FBXW12: variants seen among roughly 807,000 people sequenced by gnomAD.
FBXW12 encodes F-box/WD repeat-containing protein 12.
Under a neutral mutation model 55.3 loss-of-function variants are expected in FBXW12, and 43 were observed. The ratio of observed to expected loss-of-function variants is 0.78; its 90% CI spans 0.61 to 1.00. The LOEUF (loss-of-function observed/expected upper bound fraction) is 1.00, where lower values mean the gene tolerates loss of function less well. Among genes scored for constraint, FBXW12 ranks in the 50% least tolerant of loss-of-function variants. The pLI is 0.00. For synonymous variants in FBXW12, 184 were observed against 203.8 expected, an observed-to-expected ratio of 0.90 and a Z score of 0.83; for missense variants, 524 against 560.5, an observed-to-expected ratio of 0.93 and a Z score of 0.66.
intron 10 of FBXW12, among the ~76,000 whole-genome samples, chr3:48,390,523 C>T (rs2036909183): frequency 6.6e-6 from 1 of 150,972 alleles, no homozygotes; most frequent in African/African-American, 2.4e-5. Flanking sequence ...CAAAAGATCC[C>T]CCTGCGTCAG....
chr3:48,372,732 A>AT lies in FBXW12; in HGVS notation c.-36_-35insT. ...ATAAATTCAGAGCAGCCCGGAGAGGAGAAAGGAAAGTGGATGTGGGTTCAG... is the reference window on the plus strand; with the variant it reads ...ATAAATTCAGAGCAGCCCGGAGAGGATGAAAGGAAAGTGGATGTGGGTTCAG... On this transcript the variant is annotated 5_prime_UTR_variant, in exon 2 of 11. In the 5' UTR this introduces an upstream ATG that the reference lacks. Transcript: ENST00000296438. 1 of 1,614,158 alleles carries AT rather than the reference A, an allele frequency of 6.2e-7. No individual in the cohort carries two copies. The highest frequency in any genetic ancestry group is 8.5e-7 in the Non-Finnish European group (1 of 1,180,008).
chr3:48,383,354 G>A (rs192823605), intron 10 of FBXW12, among the ~76,000 whole-genome samples: 3 of 152,100 alleles, frequency 2.0e-5, no homozygotes, highest in East Asian at 3.9e-4. Context: ...ATAACATTGA[G>A]CAATTTATTT....
At chr3:48,375,585 T>C (rs1354587291) in intron 5 of FBXW12, 113 bp downstream of exon 5, 6 of 661,394 alleles carry the variant, frequency 9.1e-6, no homozygotes, top group South Asian at 2.0e-5. Flanking sequence ...AAAAACAAAG[T>C]GTCAAATCAG....
chr3:48,376,523 GTC>G (rs2036688805), intron 5 of FBXW12, among the ~76,000 whole-genome samples: 1 of 152,120 alleles, frequency 6.6e-6, no homozygotes, highest in Non-Finnish European at 1.5e-5. Flanking sequence ...TGTGGCTTTT[GTC>G]TAATGGTATA....
intron 10 of FBXW12, among the ~76,000 whole-genome samples, chr3:48,388,802 G>T (rs184321502): frequency 6.6e-6 from 1 of 152,082 alleles, no homozygotes; most frequent in Admixed American, 6.5e-5. Context: ...GCATGTATAC[G>T]CTGAAATGAT....
chr3:48,382,124 CTT>C (rs750293056), intron 10 of FBXW12, 39 bp downstream of exon 10: 8 of 1,252,702 alleles, frequency 6.4e-6, no homozygotes, highest in Admixed American at 2.1e-5. Flanking sequence ...CCCTAAACAA[CTT>C]TTTTTTTTTG....
At chr3:48,373,486 C>G (rs1364190158) in intron 3 of FBXW12, 62 bp from the exon 4 acceptor site, 2 of 1,602,714 alleles carry the variant, frequency 1.2e-6, no homozygotes, top group African/African-American at 2.7e-5. Context: ...GTGATATAAC[C>G]GGGGCTCTGA....
intron 10 of FBXW12, among the ~76,000 whole-genome samples, chr3:48,393,021 G>A (rs1358102728): frequency 4.8e-5 from 6 of 124,762 alleles, no homozygotes; most frequent in Non-Finnish European, 8.1e-5. Flanking sequence ...TTGAGACAAA[G>A]TCTCACTCTC....
chr3:48,372,280 G>A lies in FBXW12; in HGVS notation c.-125G>A, dbSNP rs974212672. The A allele has an allele frequency of 1.9e-5, 30 of 1,552,028 alleles. No individual in the cohort carries two copies. Among genetic ancestry groups the A allele is most frequent in the African/African-American group, 8.2e-5 (6 of 73,030 alleles). On this transcript the variant is annotated 5_prime_UTR_variant, in exon 1 of 11. Transcript: ENST00000296438. The stretch of plus-strand genomic sequence containing the variant: ...GTAGAAACCCAGAGGCCATGCTGGC[G>A]CTGAGAGATGAGCCCCACTCACCAG...
Position 48,380,967 on chromosome 3 carries a change from C to T in FBXW12, c.985+55C>T, listed in dbSNP as rs902974285. ...TTCTCTTCCTCATCACACAGTCATT[C>T]GTGTTTAGCTCTAATAAATGGGTCA... On this transcript the variant is annotated intron_variant, in intron 8 of 10. Coordinates refer to ENST00000296438, the MANE Select transcript of FBXW12 (RefSeq NM_207102.2). 1.1e-5 allele frequency: 16 copies of T among 1,426,304 alleles called. No homozygotes were observed. In the African/African-American group the frequency reaches 1.7e-4, roughly 15 times the overall value. The allele number at this position is 1,426,304 out of a possible 1,614,324, so 88.4% of individuals were successfully genotyped here.
chr3:48,379,434 C>A lies in FBXW12; in HGVS notation c.650C>A (p.Thr217Lys). 6.2e-7 allele frequency: 1 copy of A among 1,614,158 alleles called. No homozygotes were observed. Among genetic ancestry groups the A allele is most frequent in the Non-Finnish European group, 8.5e-7 (1 of 1,179,984 alleles). ...GCTGCAGGTGACATCTACACATTTA[C>A]ACTGCCTGGGTTAAGAGATGTTTCT... ...GDAAGDIYTF[T>K]LPGLRDVSKV... The change falls in exon 7 of 11, where the codon ACA becomes AAA. Residue 217 changes from threonine to lysine, a missense_variant. By Grantham distance (78) the Thr-to-Lys change is moderately conservative. Transcript: ENST00000296438.
chr3:48,380,955 C>A, intron 8 of FBXW12, 43 bp downstream of exon 8: 1 of 1,516,236 alleles, frequency 6.6e-7, no homozygotes, highest in Non-Finnish European at 9.2e-7. Context: ...TCTTCCTCAT[C>A]ACACAGTCAT....
chr3:48,377,395 A>G (rs2036699504), intron 5 of FBXW12, among the ~76,000 whole-genome samples: 1 of 152,200 alleles, frequency 6.6e-6, no homozygotes, highest in South Asian at 2.1e-4. Context: ...AGAGCTCTCA[A>G]GCAGCCCTCC....
intron 10 of FBXW12, among the ~76,000 whole-genome samples, chr3:48,382,402 C>T (rs918558367): frequency 6.6e-6 from 1 of 152,114 alleles, no homozygotes; most frequent in South Asian, 2.1e-4. Context: ...GCGTGAGCCA[C>T]CGCACCCTGC....
At position 48,377,573 on chromosome 3, in the gene FBXW12, A is replaced by G. The variant is rs566855367; in HGVS notation, c.406-744A>G. ...ACCCCTGAATTTCTGATCAAAAGAA[A>G]CAGAGTTAGCAAAAGCCTGTTTTAA... is the stretch of plus-strand genomic sequence containing the variant. On this transcript the variant is annotated intron_variant, in intron 5 of 10. Transcript: ENST00000296438. 2.0e-5 allele frequency among the ~76,000 whole-genome samples: 3 copies of G among 152,358 alleles called. No homozygotes were observed. The East Asian group carries it at 5.8e-4, about 29-fold the overall frequency.
At chr3:48,391,899 T>A (rs1406543652) in intron 10 of FBXW12, among the ~76,000 whole-genome samples, 1 of 152,236 alleles carries the variant, frequency 6.6e-6, no homozygotes, top group Non-Finnish European at 1.5e-5. Flanking sequence ...TACTATTTTC[T>A]TGAGGATTTT....
chr3:48,379,313 T>A (rs1322237798), intron 6 of FBXW12, 87 bp from the exon 7 acceptor site: 1 of 1,206,752 alleles, frequency 8.3e-7, no homozygotes, highest in Admixed American at 1.8e-5. Flanking sequence ...AACAGTGGCA[T>A]ATCTTGCAGC....
chr3:48,378,460 T>C lies in FBXW12; in HGVS notation c.549T>C (p.Val183=). The C allele has an allele frequency of 6.2e-7, 1 of 1,614,052 alleles. No individual in the cohort carries two copies. Residue 183 remains valine, a synonymous_variant, in exon 6 of 11, where the codon GTT becomes GTC. Transcript: ENST00000296438. ...WNCQDRDALA[V]LPMPQPCYCM... ...GTCAGGACAGGGACGCTCTGGCTGT[T>C]CTCCCCATGCCACAGCCCTGTTATT...
intron 7 of FBXW12, 104 bp downstream of exon 7, chr3:48,379,662 C>T (rs1465870551): frequency 7.8e-6 from 7 of 898,506 alleles, no homozygotes; most frequent in Non-Finnish European, 1.3e-5. Context: ...ACTGCTCCTT[C>T]CTCTCTAAGA....
Sources: gnomAD v4.1 joint callset for allele counts (sites outside exome capture counted in the v4.1 genomes callset) on GRCh38, gnomAD v4.1.1 for gene constraint, MANE v1.5 for transcripts, NCBI Gene and HGNC (gene_info 2026-07-23, HGNC 2026-07-21) for gene names.